The following SIRPB2 variants were observed in gnomAD, a reference collection of about 807,000 sequenced individuals.
SIRPB2 encodes the protein signal-regulatory protein beta-2.
Under a neutral mutation model 27.1 loss-of-function variants are expected in SIRPB2, and 18 were observed. The ratio of observed to expected loss-of-function variants is 0.66; its 90% CI spans 0.46 to 0.98. SIRPB2 has a LOEUF of 0.98. SIRPB2 is among the 50% of genes least tolerant of loss of function. The pLI is 0.00. For missense variants in SIRPB2, 420 were observed against 417.4 expected (o/e 1.01, Z -0.06); for synonymous variants, 150 against 164.6 (o/e 0.91, Z 0.68).
At position 1,482,057 on chromosome 20, in the gene SIRPB2, G is replaced by GC. The variant is rs372326462; in HGVS notation, c.86-1993dup. 1.3e-3 allele frequency among the ~76,000 whole-genome samples: 204 copies of GC among 152,080 alleles called. 1 individual carries two copies. Among genetic ancestry groups the GC allele is most frequent in the African/African-American group, 4.8e-3 (200 of 41,452 alleles). ...CCACCCAACAAATCTTAAAAGCAAG[G>GC]CCCCAAACTGATTTTAAAAAAAAAT... On this transcript the variant is annotated intron_variant, in intron 1 of 4. Coordinates refer to ENST00000359801, the MANE Select transcript of SIRPB2 (RefSeq NM_001122962.2).
rs1460557552 is a variant in SIRPB2, at chr20:1,478,470, C to T, written c.589G>A (p.Ala197Thr). ...PPGPIRWFQG[A>T]GLSREAIYNF... is the part of the protein sequence containing the mutation. ...TAAATGGCCTCCCGGCTCAGACCAG[C>T]TCCCTGGAACCACCTGATGGGTCCA... Residue 197 changes from alanine (A) to threonine (T), a missense_variant, in exon 3 of 5, where the codon GCT becomes ACT. By Grantham distance (58) the Ala-to-Thr change is moderately conservative. Transcript: ENST00000359801. The T allele has an allele frequency of 1.2e-6, 2 of 1,614,210 alleles. No individual in the cohort carries two copies. Among genetic ancestry groups the T allele is most frequent in the Non-Finnish European group, 1.7e-6 (2 of 1,180,048 alleles).
intron 1 of SIRPB2, among the ~76,000 whole-genome samples, chr20:1,484,462 A>G (rs2090705338): frequency 6.6e-6 from 1 of 152,198 alleles, no homozygotes; most frequent in African/African-American, 2.4e-5. Context: ...ACAGGGGACT[A>G]ATCTAATATC....
intron 1 of SIRPB2, among the ~76,000 whole-genome samples, chr20:1,487,299 A>C (rs2090735886): frequency 6.6e-6 from 1 of 152,150 alleles, no homozygotes; most frequent in African/African-American, 2.4e-5. Flanking sequence ...AGATAAAAAA[A>C]ATCAAGCCTA....
intron 1 of SIRPB2, among the ~76,000 whole-genome samples, chr20:1,489,240 G>T (rs569932005): frequency 6.6e-6 from 1 of 152,146 alleles, no homozygotes; most frequent in Non-Finnish European, 1.5e-5. Context: ...TTGGGCGCTG[G>T]ATATGTTCAT....
chr20:1,476,063 A>C lies in SIRPB2; in HGVS notation c.*104T>G. 9 of 1,342,344 alleles carry C rather than the reference A, an allele frequency of 6.7e-6. No homozygotes were observed. The highest frequency in any genetic ancestry group is 2.6e-5 in the South Asian group (2 of 76,574). 83.2% of individuals were successfully genotyped at this position (1,342,344 alleles called of 1,614,324 possible). Reference sequence around the variant, plus strand: ...AGATGTAGGGATCTAGGAGTTTGTCATGAGGCCTGGGGGCACCTAGAGGCT... The same window carrying C: ...AGATGTAGGGATCTAGGAGTTTGTCCTGAGGCCTGGGGGCACCTAGAGGCT... On this transcript the variant is annotated 3_prime_UTR_variant, in exon 5 of 5. Transcript: ENST00000359801.
chr20:1,477,907 C>T (rs1017648463), intron 3 of SIRPB2: 25 of 456,370 alleles, frequency 5.5e-5, no homozygotes, highest in Admixed American at 3.6e-4. Flanking sequence ...ACTCCTGACT[C>T]AGGTGATCCA....
At chr20:1,470,792 T>A (rs1037584423), downstream of SIRPB2, 7 of 152,140 alleles carry the variant, frequency 4.6e-5, no homozygotes, top group African/African-American at 1.7e-4. Flanking sequence ...TACTAGCGCG[T>A]ACAAACACAC....
At chr20:1,489,146 A>G (rs759766328) in intron 1 of SIRPB2, among the ~76,000 whole-genome samples, 24 of 152,194 alleles carry the variant, frequency 1.6e-4, no homozygotes, top group Non-Finnish European at 3.1e-4. Flanking sequence ...AATTCTAGAA[A>G]ATGCAAACTA....
Position 1,478,503 on chromosome 20 carries a change from C to A in SIRPB2, c.556G>T (p.Gly186Cys). ...VFLNCTVLGD[G>C]PPGPIRWFQG... ...AACCACCTGATGGGTCCAGGGGGAC[C>A]GTCTCCAAGCACTGTGCAGTTCAGA... is the stretch of plus-strand genomic sequence containing the variant. Residue 186 changes from glycine to cysteine, a missense_variant, in exon 3 of 5, where the codon GGT (glycine) becomes TGT (cysteine). Transcript: ENST00000359801. The A allele has an allele frequency of 6.2e-7, 1 of 1,614,038 alleles. No homozygotes were observed. The highest frequency in any genetic ancestry group is 8.5e-7 in the Non-Finnish European group (1 of 1,179,992).
Position 1,478,334 on chromosome 20 carries a change from C to T in SIRPB2, c.725G>A (p.Cys242Tyr). ...GTTGGGTTTCCTCTGAAACTTTACA[C>T]AGTAATAGGTGCCTGCATCCTCACT... ...VSSEDAGTYY[C>Y]VKFQRKPNRQ... The change falls in exon 3 of 5, where the codon TGT (cysteine) becomes TAT (tyrosine). Residue 242 changes from cysteine (C) to tyrosine (Y), a missense_variant. Coordinates refer to ENST00000359801, the MANE Select transcript of SIRPB2 (RefSeq NM_001122962.2). 3.1e-6 allele frequency: 5 copies of T among 1,614,224 alleles called. No homozygotes were observed. The highest frequency in any genetic ancestry group is 4.2e-6 in the Non-Finnish European group (5 of 1,180,044).
chr20:1,486,351 G>A (rs952498685), intron 1 of SIRPB2, among the ~76,000 whole-genome samples: 2 of 151,946 alleles, frequency 1.3e-5, no homozygotes, highest in Admixed American at 6.5e-5. Context: ...GGGATTGCAG[G>A]CATGAGTCAC....
rs200151176 is a variant in SIRPB2 at position 1,476,287 on chromosome 20, G to A, written c.909C>T (p.Thr303=). Reference sequence around the variant, plus strand: ...CCAGGGCCAGTAGGAGTGCAGCCAAGGTAATTGCCTTCAGCCCCAGGACCA... The same window carrying A: ...CCAGGGCCAGTAGGAGTGCAGCCAAAGTAATTGCCTTCAGCCCCAGGACCA... ...APVVLGLKAI[T]LAALLLALAT... Residue 303 remains threonine (T), a synonymous_variant, in exon 5 of 5, where the codon ACC becomes ACT. Transcript: ENST00000359801. 68 of 1,613,696 alleles carry A rather than the reference G, an allele frequency of 4.2e-5. No homozygotes were observed. The African/African-American group carries it at 8.4e-4, about 20-fold the overall frequency.
At chr20:1,478,046 T>A (rs1176878393) in intron 3 of SIRPB2, 5 of 673,778 alleles carry the variant, frequency 7.4e-6, no homozygotes, top group Non-Finnish European at 1.4e-5. Context: ...TAACTCTGCT[T>A]GAGAGGAGGA....
chr20:1,481,449 A>G (rs1568646669), intron 1 of SIRPB2, among the ~76,000 whole-genome samples: 2 of 152,144 alleles, frequency 1.3e-5, no homozygotes, highest in Non-Finnish European at 2.9e-5. Flanking sequence ...ATTCTGCTCA[A>G]CTCAAGGTCA....
chr20:1,478,265 C>T lies in SIRPB2; in HGVS notation c.793+1G>A. 6.2e-7 allele frequency: 1 copy of T among 1,609,144 alleles called. No homozygotes were observed. Among genetic ancestry groups the T allele is most frequent in the Non-Finnish European group, 8.5e-7 (1 of 1,176,176 alleles). ...GACAAGTCCAAAACCAATTGTCTCACCTTTCACTTTCAGGCTGGTGCCCTG... is the reference window on the plus strand; with the variant it reads ...GACAAGTCCAAAACCAATTGTCTCATCTTTCACTTTCAGGCTGGTGCCCTG... On this transcript the variant is annotated splice_donor_variant, in intron 3 of 4. Transcript: ENST00000359801. LOFTEE classifies it high-confidence loss of function.
chr20:1,477,513 T>A (rs1009627424), intron 3 of SIRPB2, 110 bp from the exon 4 acceptor site: 1 of 1,513,100 alleles, frequency 6.6e-7, no homozygotes, highest in Admixed American at 2.3e-5. Flanking sequence ...TCTATGTGGG[T>A]ATGGGCTAGA....
chr20:1,483,100 T>C (rs1460126465), intron 1 of SIRPB2, among the ~76,000 whole-genome samples: 4 of 148,708 alleles, frequency 2.7e-5, no homozygotes, highest in Non-Finnish European at 6.0e-5. Flanking sequence ...TTTCTCCTCA[T>C]CCTCATCATT....
chr20:1,477,095 C>T (rs1199488236), intron 4 of SIRPB2: 2 of 1,476,990 alleles, frequency 1.4e-6, no homozygotes, highest in Non-Finnish European at 1.8e-6. Context: ...CTCACCACCT[C>T]TCAAACAACA....
chr20:1,480,278 A>C, intron 1 of SIRPB2: 1 of 589,488 alleles, frequency 1.7e-6, no homozygotes, highest in East Asian at 2.9e-5. Flanking sequence ...ACAATAAATA[A>C]CACTCAAGTG....
Sources: gnomAD v4.1 joint callset for allele counts (sites outside exome capture counted in the v4.1 genomes callset) on GRCh38, gnomAD v4.1.1 for gene constraint, MANE v1.5 for transcripts, NCBI Gene and HGNC (gene_info 2026-07-23, HGNC 2026-07-21) for gene names.